Variants in ARHGAP28 observed in about 807,000 individuals in gnomAD.
ARHGAP28 encodes the protein rho GTPase-activating protein 28.
A neutral mutation model predicts 90.7 loss-of-function variants in ARHGAP28; 56 were observed. The ratio of observed to expected loss-of-function variants is 0.62; its 90% confidence interval spans 0.50 to 0.77. The LOEUF is 0.77. Among genes scored for constraint, ARHGAP28 ranks in the 30% least tolerant of loss-of-function variants. The pLI is 0.00. For missense variants in ARHGAP28, 869 were observed against 900.9 expected (o/e 0.96, Z 0.45); for synonymous variants, 308 against 323.3 (o/e 0.95, Z 0.51).
intron 1 of ARHGAP28, among the ~76,000 whole-genome samples, chr18:6,794,481 C>T (rs1464542084): frequency 6.6e-6 from 1 of 152,212 alleles, no homozygotes; most frequent in Non-Finnish European, 1.5e-5. Flanking sequence ...TGGCAGGTAA[C>T]AATGCGCATT....
At chr18:6,754,512 C>G (rs901218904) in intron 1 of ARHGAP28, among the ~76,000 whole-genome samples, 1 of 152,152 alleles carries the variant, frequency 6.6e-6, no homozygotes, top group African/African-American at 2.4e-5. Context: ...CTCCCTGATA[C>G]TAATTCACCG....
intron 15 of ARHGAP28, 63 bp from the exon 16 acceptor site, chr18:6,896,438 TG>T: frequency 6.3e-7 from 1 of 1,581,996 alleles, no homozygotes; most frequent in South Asian, 1.1e-5. Context: ...ATCTCTTAAG[TG>T]CATCATTGAG....
At chr18:6,752,908 G>A (rs913057210) in intron 1 of ARHGAP28, among the ~76,000 whole-genome samples, 3 of 151,264 alleles carry the variant, frequency 2.0e-5, no homozygotes, top group African/African-American at 7.3e-5. Context: ...ATGTTCATAA[G>A]CATTTTATTT....
chr18:6,898,610 A>T, intron 16 of ARHGAP28: 2 of 1,586,572 alleles, frequency 1.3e-6, no homozygotes, highest in Non-Finnish European at 1.7e-6. Context: ...CATTCAAGGG[A>T]TTTGGGTATC....
chr18:6,816,279 A>T (rs2056590011), intron 1 of ARHGAP28, among the ~76,000 whole-genome samples: 1 of 152,148 alleles, frequency 6.6e-6, no homozygotes, highest in Admixed American at 6.5e-5. Context: ...CAGGACATCC[A>T]AGTTGAGTTG....
chr18:6,750,983 C>T (rs1165629194), intron 1 of ARHGAP28, among the ~76,000 whole-genome samples: 2 of 151,954 alleles, frequency 1.3e-5, no homozygotes, highest in Non-Finnish European at 2.9e-5. Context: ...TTATTATTTC[C>T]AAAGGTAATT....
chr18:6,898,811 A>C, intron 16 of ARHGAP28: 1 of 1,114,598 alleles, frequency 9.0e-7, no homozygotes, highest in Non-Finnish European at 1.1e-6. Context: ...ATATGTTCTC[A>C]CTCGTAAGTG....
At chr18:6,888,883 G>A (rs1883100426) in intron 12 of ARHGAP28, among the ~76,000 whole-genome samples, 1 of 152,126 alleles carries the variant, frequency 6.6e-6, no homozygotes, top group South Asian at 2.1e-4. Context: ...GTGGGTTAGA[G>A]GTCAAGAACT....
At chr18:6,749,110 A>G (rs2056048145) in intron 1 of ARHGAP28, among the ~76,000 whole-genome samples, 1 of 152,238 alleles carries the variant, frequency 6.6e-6, no homozygotes, top group Admixed American at 6.5e-5. Context: ...CTAAAAGTCA[A>G]AATCATAACA....
At position 6,880,672 on chromosome 18, in the gene ARHGAP28, A is replaced by G. The variant is rs541083263; in HGVS notation, c.1291-1465A>G. On this transcript the variant is annotated intron_variant, in intron 10 of 17. Transcript: ENST00000383472. ...ACACACTGGATCTGCTGGCATTTGTATCACTGCTTGAGCAGGATCCCCTTC... is the reference window on the plus strand; with the variant it reads ...ACACACTGGATCTGCTGGCATTTGTGTCACTGCTTGAGCAGGATCCCCTTC... Among the ~76,000 whole-genome samples the G allele has an allele frequency of 5.3e-5, 8 of 152,300 alleles. No individual in the cohort carries two copies. The South Asian group carries it at 1.7e-3, about 32-fold the overall frequency.
chr18:6,751,964 T>TA (rs199775924), intron 1 of ARHGAP28, among the ~76,000 whole-genome samples: 19 of 148,526 alleles, frequency 1.3e-4, no homozygotes, highest in East Asian at 7.8e-4. Flanking sequence ...TTACAAAACT[T>TA]AAAAAAAAAA....
chr18:6,879,966 G>T (rs1177756838), intron 10 of ARHGAP28, among the ~76,000 whole-genome samples: 1 of 152,164 alleles, frequency 6.6e-6, no homozygotes, highest in Admixed American at 6.5e-5. Flanking sequence ...TAGGTGACTG[G>T]GAACTACTCA....
intron 7 of ARHGAP28, among the ~76,000 whole-genome samples, chr18:6,870,956 T>A (rs550907827): frequency 9.2e-5 from 14 of 151,822 alleles, no homozygotes; most frequent in East Asian, 5.9e-4. Context: ...ACCTGCCAAC[T>A]TGCCCGGCTA....
rs116211598 is a variant in ARHGAP28 at position 6,817,482 on chromosome 18, C to G, written c.123-7280C>G. ...TCTCATCTCACTCTGCCCCAAATGA[C>G]TTATTAGAACATTCCTTCCCATTAT... On this transcript the variant is annotated intron_variant, in intron 1 of 17. Transcript: ENST00000383472. Among the ~76,000 whole-genome samples the G allele has an allele frequency of 6.6e-3, 1,009 of 152,248 alleles. 6 individuals are homozygous for G. Among genetic ancestry groups the G allele is most frequent in the African/African-American group, 0.023 (944 of 41,528 alleles).
intron 1 of ARHGAP28, among the ~76,000 whole-genome samples, chr18:6,775,943 TACAA>T: frequency 6.6e-6 from 1 of 152,032 alleles, no homozygotes; most frequent in African/African-American, 2.4e-5. Context: ...GATTTGAAAA[TACAA>T]ACAAAGGACT....
At chr18:6,831,061 CAG>C (rs2056711366) in intron 2 of ARHGAP28, among the ~76,000 whole-genome samples, 1 of 152,172 alleles carries the variant, frequency 6.6e-6, no homozygotes, top group African/African-American at 2.4e-5. Context: ...CAGTGTATGA[CAG>C]ACAGTTCCAT....
intron 3 of ARHGAP28, among the ~76,000 whole-genome samples, chr18:6,846,250 A>C (rs1167784524): frequency 3.3e-5 from 5 of 152,192 alleles, no homozygotes; most frequent in Non-Finnish European, 5.9e-5. Flanking sequence ...TTGCTGTTCC[A>C]AGAATAATTC....
chr18:6,855,277 A>G (rs77181088), intron 4 of ARHGAP28, among the ~76,000 whole-genome samples: 2,950 of 152,218 alleles, frequency 0.019, 100 homozygotes, highest in African/African-American at 0.068. Context: ...CATTCAGTCA[A>G]TTGGATGGTG....
At chr18:6,906,233 G>T (rs2057364039) in intron 16 of ARHGAP28, among the ~76,000 whole-genome samples, 1 of 152,068 alleles carries the variant, frequency 6.6e-6, no homozygotes, top group Non-Finnish European at 1.5e-5. Flanking sequence ...CCCAGAAATT[G>T]ACCTACACAA....
Sources: gnomAD v4.1 joint callset for allele counts (sites outside exome capture counted in the v4.1 genomes callset) on GRCh38, gnomAD v4.1.1 for gene constraint, MANE v1.5 for transcripts, NCBI Gene and HGNC (gene_info 2026-07-23, HGNC 2026-07-21) for gene names.